HERC6: variants seen among roughly 807,000 people sequenced by gnomAD.
HERC6 encodes the protein probable E3 ubiquitin-protein ligase HERC6.
HERC6 carries 101 observed loss-of-function variants against 114.5 expected under a neutral mutation model. The observed-to-expected ratio is 0.88, with a 90% confidence interval of 0.75 to 1.04. The LOEUF is 1.04. Ranked by LOEUF, HERC6 falls within the 50% of genes least tolerant of loss-of-function variation. The pLI is 0.00. For missense variants in HERC6, 1,133 were observed against 1,230.9 expected (o/e 0.92, Z 1.19); for synonymous variants, 408 against 436.2 (o/e 0.94, Z 0.81).
chr4:88,430,825 T>C lies in HERC6; in HGVS notation c.2107-337T>C, dbSNP rs567353142. On this transcript the variant is annotated intron_variant, in intron 16 of 22. Transcript: ENST00000264346. ...TGAGATGGACAACAAGATAGAATAATCAGGGAATTTAGGGGCCCACGGGTT... is the reference window on the plus strand; with the variant it reads ...TGAGATGGACAACAAGATAGAATAACCAGGGAATTTAGGGGCCCACGGGTT... 1.1e-4 allele frequency among the ~76,000 whole-genome samples: 16 copies of C among 152,246 alleles called. No homozygotes were observed. In the South Asian group the frequency reaches 3.3e-3, roughly 32 times the overall value.
chr4:88,413,589 T>C (rs1736254694), intron 12 of HERC6, among the ~76,000 whole-genome samples: 1 of 152,180 alleles, frequency 6.6e-6, no homozygotes, highest in Admixed American at 6.5e-5. Context: ...TACTTTAAAA[T>C]TTTTTGCTCA....
chr4:88,389,047 G>A (rs558994985), intron 3 of HERC6, among the ~76,000 whole-genome samples: 2 of 152,130 alleles, frequency 1.3e-5, no homozygotes, highest in Non-Finnish European at 2.9e-5. Context: ...TTTATGAGGC[G>A]GTCAGGGAAG....
intron 7 of HERC6, among the ~76,000 whole-genome samples, chr4:88,397,408 G>A (rs1056771699): frequency 3.9e-5 from 6 of 152,020 alleles, no homozygotes; most frequent in Admixed American, 1.3e-4. Context: ...CACCGCGCCT[G>A]GCTGTACATA....
At chr4:88,384,078 ATG>A (rs1734457519) in intron 2 of HERC6, among the ~76,000 whole-genome samples, 1 of 152,134 alleles carries the variant, frequency 6.6e-6, no homozygotes, top group Admixed American at 6.5e-5. Context: ...CCTCCTGAAA[ATG>A]CAGTTCCCAG....
intron 15 of HERC6, among the ~76,000 whole-genome samples, chr4:88,426,144 G>A (rs947822987): frequency 2.0e-5 from 3 of 152,074 alleles, no homozygotes; most frequent in Admixed American, 6.6e-5. Context: ...GCATTCCACA[G>A]GTAAGGGCTG....
chr4:88,393,574 C>T lies in HERC6; in HGVS notation c.751C>T (p.Leu251Phe). ...CTGTGGTGATGCACACACTGCGGTG[C>T]TTACCCAGGTAATCCAAAACGTGTT... is the stretch of plus-strand genomic sequence containing the variant. Reference protein sequence around the residue: ...ISCGDAHTAVLTQDGKVFTFG... With the variant: ...ISCGDAHTAVFTQDGKVFTFG... The change falls in exon 5 of 23, where the codon CTT (leucine) becomes TTT (phenylalanine). Residue 251 changes from leucine to phenylalanine, a missense_variant. By Grantham distance (22) the Leu-to-Phe change is conservative. Around this residue, in one of 3 missense-constraint regions of HERC6, gnomAD observed 735 missense variants for 754.0 expected, o/e 0.97. Transcript: ENST00000264346. 1 of 1,605,844 alleles carries T rather than the reference C, an allele frequency of 6.2e-7. No individual in the cohort carries two copies. Among genetic ancestry groups the T allele is most frequent in the Non-Finnish European group, 8.5e-7 (1 of 1,173,560 alleles).
rs776672971 is a variant in HERC6, at chr4:88,413,302, TAG to T, written c.1558+39_1558+40del. The T allele has an allele frequency of 4.5e-5, 68 of 1,495,274 alleles. 1 individual carries two copies. The South Asian group carries it at 7.3e-4, about 16-fold the overall frequency. 92.6% of individuals were successfully genotyped at this position (1,495,274 alleles called of 1,614,324 possible). ...TGTCACTTTATCTGTACTCTCAATATAGAGTCACTCTCTGAAGTAGACGTTGT... is the reference window on the plus strand; with the variant it reads ...TGTCACTTTATCTGTACTCTCAATATAGTCACTCTCTGAAGTAGACGTTGT... On this transcript the variant is annotated intron_variant, in intron 12 of 22. Transcript: ENST00000264346.
chr4:88,419,655 G>A (rs1156793258), intron 13 of HERC6, among the ~76,000 whole-genome samples: 1 of 152,170 alleles, frequency 6.6e-6, no homozygotes, highest in African/African-American at 2.4e-5. Flanking sequence ...CTTAAGTGAT[G>A]TCATTGCTGA....
chr4:88,385,054 T>C (rs1244832514), intron 2 of HERC6, among the ~76,000 whole-genome samples: 1 of 152,082 alleles, frequency 6.6e-6, no homozygotes, highest in African/African-American at 2.4e-5. Context: ...CTGATAGTTA[T>C]CTGGTTTTGA....
chr4:88,437,060 CTT>C (rs545282245), intron 19 of HERC6, 89 bp downstream of exon 19: 923 of 751,154 alleles, frequency 1.2e-3, no homozygotes, highest in South Asian at 1.6e-3. Flanking sequence ...TTTGGGATCC[CTT>C]TTTTTTTTTA....
Position 88,442,438 on chromosome 4 carries a change from C to G in HERC6, c.3047C>G (p.Ser1016Ter). Residue 1016 changes from serine (S) to a stop codon, truncating the protein, a stop_gained, in exon 23 of 23, where the codon TCA becomes TGA. Transcript: ENST00000264346. LOFTEE classifies it low-confidence loss of function (END_TRUNC). ...ATCAACAACAACAGAGGATTTGTCT[C>G]ACCCATGCTCACACAGTCATAATCA... Reference protein sequence around the residue: ...VAINNNRGFVSPMLTQS With the variant: ...VAINNNRGFV 1 of 1,613,628 alleles carries G rather than the reference C, an allele frequency of 6.2e-7. No individual in the cohort carries two copies.
In HERC6 at chr4:88,393,570, G is replaced by A. The variant is rs200492861; in HGVS notation, c.747G>A (p.Ala249=). 9.2e-5 allele frequency: 148 copies of A among 1,608,048 alleles called. No individual in the cohort carries two copies. The highest frequency in any genetic ancestry group is 1.1e-4 in the East Asian group (5 of 44,840). ...VYISCGDAHT[A]VLTQDGKVFT... ...TCAGCTGTGGTGATGCACACACTGC[G>A]GTGCTTACCCAGGTAATCCAAAACG... Residue 249 remains alanine (A), a synonymous_variant, in exon 5 of 23, where the codon GCG becomes GCA. Transcript: ENST00000264346.
chr4:88,395,636 C>T (rs1198187070), intron 5 of HERC6, among the ~76,000 whole-genome samples: 1 of 152,040 alleles, frequency 6.6e-6, no homozygotes, highest in South Asian at 2.1e-4. Flanking sequence ...AGTCACCATG[C>T]TGTACAATAC....
chr4:88,420,635 G>C (rs926642698), intron 13 of HERC6, among the ~76,000 whole-genome samples: 1 of 151,998 alleles, frequency 6.6e-6, no homozygotes, highest in Non-Finnish European at 1.5e-5. Context: ...GCTTTATTGA[G>C]ATATAATTCT....
chr4:88,397,207 G>C (rs1560540180), intron 7 of HERC6, among the ~76,000 whole-genome samples: 1 of 151,744 alleles, frequency 6.6e-6, no homozygotes, highest in Non-Finnish European at 1.5e-5. Flanking sequence ...CCGCCTCCTG[G>C]GTTCAAGCGA....
Position 88,393,475 on chromosome 4 carries a change from T to A in HERC6, c.665-13T>A, listed in dbSNP as rs1186777240. ...GTTTCTTATACTCTAGAGATTCTGC[T>A]TTCTTTCAACAGTGCAAAGCAACAA... is the stretch of plus-strand genomic sequence containing the variant. On this transcript the variant is annotated splice_polypyrimidine_tract_variant and intron_variant, in intron 4 of 22. Transcript: ENST00000264346. 1 of 1,568,754 alleles carries A rather than the reference T, an allele frequency of 6.4e-7. No homozygotes were observed. Among genetic ancestry groups the A allele is most frequent in the East Asian group, 2.2e-5 (1 of 44,678 alleles).
chr4:88,422,875 T>A (rs1318150560), intron 13 of HERC6, among the ~76,000 whole-genome samples: 1 of 152,190 alleles, frequency 6.6e-6, no homozygotes, highest in Non-Finnish European at 1.5e-5. Flanking sequence ...TCGGAAGTTT[T>A]TTAAATTATG....
chr4:88,402,579 G>C (rs1735602844), intron 8 of HERC6, among the ~76,000 whole-genome samples: 2 of 152,308 alleles, frequency 1.3e-5, no homozygotes, highest in East Asian at 3.9e-4. Context: ...ATGAAGGTGG[G>C]AGATAGATCA....
At position 88,393,563 on chromosome 4, in the gene HERC6, A is replaced by G. The variant is rs370854444; in HGVS notation, c.740A>G (p.His247Arg). Reference sequence around the variant, plus strand: ...GTTTATATCAGCTGTGGTGATGCACACACTGCGGTGCTTACCCAGGTAATC... The same window carrying G: ...GTTTATATCAGCTGTGGTGATGCACGCACTGCGGTGCTTACCCAGGTAATC... ...GVVYISCGDA[H>R]TAVLTQDGKV... Residue 247 changes from histidine to arginine, a missense_variant, in exon 5 of 23, where the codon CAC (histidine) becomes CGC (arginine). This residue lies in a region of HERC6 where 735 missense variants were observed against 754.0 expected (regional missense o/e 0.97). Transcript: ENST00000264346. 6.8e-6 allele frequency: 11 copies of G among 1,610,566 alleles called. No homozygotes were observed. Among genetic ancestry groups the G allele is most frequent in the Non-Finnish European group, 9.3e-6 (11 of 1,177,530 alleles).
Sources: gnomAD v4.1 joint callset for allele counts (sites outside exome capture counted in the v4.1 genomes callset) on GRCh38, gnomAD v4.1.1 for gene constraint, gnomAD v4.1.1 regional missense constraint, MANE v1.5 for transcripts, NCBI Gene and HGNC (gene_info 2026-07-23, HGNC 2026-07-21) for gene names.